ZCWPW2: variants seen among roughly 807,000 people sequenced by gnomAD.
The protein encoded by ZCWPW2 is zinc finger CW-type PWWP domain protein 2.
A neutral mutation model predicts 46.6 loss-of-function variants in ZCWPW2; 45 were observed. The ratio of observed to expected loss-of-function variants is 0.96; its 90% CI spans 0.76 to 1.24. ZCWPW2 has a LOEUF of 1.24. Ranked by LOEUF, ZCWPW2 falls within the 50% of genes most tolerant of loss-of-function variation. ZCWPW2 has a pLI of 0.00. For missense variants in ZCWPW2, 429 were observed against 403.9 expected, an observed-to-expected ratio of 1.06 and a Z score of -0.53; for synonymous variants, 152 against 137.1, an observed-to-expected ratio of 1.11 and a Z score of -0.76.
rs754471123 is a variant in ZCWPW2 at position 28,524,715 on chromosome 3, A to T, written c.*27A>T. On this transcript the variant is annotated 3_prime_UTR_variant, in exon 10 of 10. Transcript: ENST00000383768. The stretch of plus-strand genomic sequence containing the variant: ...ACATTATACATTTTTCAAATTAATT[A>T]TAAAAATATTGGCATCTTTATATTT... 1 of 1,432,768 alleles carries T rather than the reference A, an allele frequency of 7.0e-7. No individual in the cohort carries two copies. Among genetic ancestry groups the T allele is most frequent in the South Asian group, 1.5e-5 (1 of 66,024 alleles). 88.8% of individuals were successfully genotyped at this position (1,432,768 alleles called of 1,614,324 possible). A position where few individuals can be genotyped will look rare whatever the true frequency, so the allele number is the denominator to read the frequency against.
chr3:28,400,712 A>C (rs961607219), intron 2 of ZCWPW2, among the ~76,000 whole-genome samples: 4 of 152,194 alleles, frequency 2.6e-5, no homozygotes, highest in African/African-American at 4.8e-5. Context: ...TGAAGGAAAG[A>C]TACAGTCTTT....
chr3:28,496,915 C>A (rs1700005479), intron 6 of ZCWPW2, among the ~76,000 whole-genome samples: 1 of 151,180 alleles, frequency 6.6e-6, no homozygotes, highest in Non-Finnish European at 1.5e-5. Flanking sequence ...TAAGTAACTG[C>A]TTCTAGAGCC....
At chr3:28,477,467 A>G (rs1445675437) in intron 4 of ZCWPW2, among the ~76,000 whole-genome samples, 1 of 152,228 alleles carries the variant, frequency 6.6e-6, no homozygotes, top group Non-Finnish European at 1.5e-5. Context: ...AAGATAAAAT[A>G]TTATGTATTG....
At chr3:28,364,667 A>C (rs1003844941) in intron 1 of ZCWPW2, among the ~76,000 whole-genome samples, 12 of 151,430 alleles carry the variant, frequency 7.9e-5, no homozygotes, top group Non-Finnish European at 4.4e-5. Flanking sequence ...ATTATACTTT[A>C]AGTTTTAGGG....
intron 6 of ZCWPW2, among the ~76,000 whole-genome samples, chr3:28,501,698 G>T (rs1457908): frequency 0.41 from 61,873 of 151,840 alleles, 12,871 homozygotes; most frequent in East Asian, 0.6. Flanking sequence ...CATGTAAATT[G>T]TTATCCATTT....
intron 8 of ZCWPW2, among the ~76,000 whole-genome samples, chr3:28,517,195 AT>A (rs920684531): frequency 2.6e-5 from 4 of 151,494 alleles, no homozygotes; most frequent in East Asian, 1.9e-4. Flanking sequence ...TTTATTTAGG[AT>A]TTTTTTTTCA....
At chr3:28,492,789 A>G (rs989400076) in intron 6 of ZCWPW2, among the ~76,000 whole-genome samples, 35 of 152,140 alleles carry the variant, frequency 2.3e-4, no homozygotes, top group Non-Finnish European at 5.0e-4. Flanking sequence ...CTAAACAAAG[A>G]GAAAGAGTTG....
chr3:28,496,416 G>T (rs1694953188), intron 6 of ZCWPW2, among the ~76,000 whole-genome samples: 1 of 151,970 alleles, frequency 6.6e-6, no homozygotes, highest in Admixed American at 6.6e-5. Flanking sequence ...GGAAAACAAG[G>T]CAGACATTAT....
At chr3:28,469,764 A>T (rs1184204182) in intron 4 of ZCWPW2, among the ~76,000 whole-genome samples, 1 of 151,810 alleles carries the variant, frequency 6.6e-6, no homozygotes, top group Non-Finnish European at 1.5e-5. Context: ...ACACTGGAGC[A>T]CCCAGATATA....
chr3:28,439,515 C>G (rs1200499344), intron 4 of ZCWPW2, among the ~76,000 whole-genome samples: 1 of 152,094 alleles, frequency 6.6e-6, no homozygotes, highest in Admixed American at 6.6e-5. Flanking sequence ...TACTTTGTAT[C>G]CTTCAATTCA....
In ZCWPW2 at chr3:28,368,590, C is replaced by T. The variant is rs57550956; in HGVS notation, c.-134+19387C>T. Among the ~76,000 whole-genome samples, 1,038 of 152,270 alleles carry T rather than the reference C, an allele frequency of 6.8e-3. 10 individuals carry two copies. Among genetic ancestry groups the T allele is most frequent in the African/African-American group, 0.023 (941 of 41,546 alleles). On this transcript the variant is annotated intron_variant, in intron 1 of 9. Coordinates refer to ENST00000383768, the MANE Select transcript of ZCWPW2 (RefSeq NM_001040432.4). The stretch of plus-strand genomic sequence containing the variant: ...GACCTTTCTCTCTGGCTGCCCTTAA[C>T]ATTTTTTCCTTCATTTCAACGTTGG...
intron 3 of ZCWPW2, among the ~76,000 whole-genome samples, chr3:28,422,471 A>G (rs1696832039): frequency 6.6e-6 from 1 of 152,158 alleles, no homozygotes; most frequent in Non-Finnish European, 1.5e-5. Context: ...GAGATTGTAT[A>G]GTATTTAGCC....
At chr3:28,493,644 T>G (rs1699901730) in intron 6 of ZCWPW2, among the ~76,000 whole-genome samples, 1 of 72,696 alleles carries the variant, frequency 1.4e-5, no homozygotes, top group South Asian at 8.4e-4. Context: ...GCATGATTTA[T>G]AGTCATTTGG....
rs150406003 is a variant in ZCWPW2, at chr3:28,498,979, A to C, written c.657+6806A>C. 2.9e-3 allele frequency among the ~76,000 whole-genome samples: 445 copies of C among 152,184 alleles called. 1 individual carries two copies. Among genetic ancestry groups the C allele is most frequent in the African/African-American group, 0.01 (422 of 41,526 alleles). On this transcript the variant is annotated intron_variant, in intron 6 of 9. Transcript: ENST00000383768. ...ATGTCCCTGCAAAGGACGTGAACTC[A>C]TCCTTTTTTATGGCTGCATAGTATT...
chr3:28,397,794 A>C (rs1030842244), intron 2 of ZCWPW2, among the ~76,000 whole-genome samples: 2 of 152,258 alleles, frequency 1.3e-5, no homozygotes, highest in African/African-American at 4.8e-5. Flanking sequence ...ACTTAAAGCT[A>C]TACATACCTA....
chr3:28,359,167 G>C (rs1350071556), intron 1 of ZCWPW2, among the ~76,000 whole-genome samples: 3 of 151,996 alleles, frequency 2.0e-5, no homozygotes, highest in African/African-American at 4.8e-5. Flanking sequence ...AAGTGGAAAT[G>C]GTCAGATCTG....
At position 28,488,118 on chromosome 3, in the gene ZCWPW2, A is replaced by G. The variant is rs573605042; in HGVS notation, c.611-4009A>G. Among the ~76,000 whole-genome samples the G allele has an allele frequency of 5.3e-5, 8 of 152,268 alleles. No individual in the cohort carries two copies. The South Asian group carries it at 1.7e-3, about 32-fold the overall frequency. On this transcript the variant is annotated intron_variant, in intron 5 of 9. Coordinates refer to ENST00000383768, the MANE Select transcript of ZCWPW2 (RefSeq NM_001040432.4). Reference sequence around the variant, plus strand: ...GTAGAGCTCCTACACGTAAAACTCAATAAAAGGGTGTCCCTCCCACCATGA... The same window carrying G: ...GTAGAGCTCCTACACGTAAAACTCAGTAAAAGGGTGTCCCTCCCACCATGA...
rs534193603 is a variant in ZCWPW2 at position 28,515,574 on chromosome 3, C to G, written c.737C>G (p.Ser246Cys). ...TCTAGGAAAGCAATTTTAAAATGCT[C>G]TTTTGAAAATGTTTATTCTGATGAT... ...KRKRKAILKC[S>C]FENVYSDDAL... Residue 246 changes from serine to cysteine, a missense_variant, in exon 8 of 10, where the codon TCT becomes TGT. Physicochemically the swap from Ser to Cys is moderately radical, Grantham distance 112. Coordinates refer to ENST00000383768, the MANE Select transcript of ZCWPW2 (RefSeq NM_001040432.4). 5.0e-6 allele frequency: 8 copies of G among 1,608,812 alleles called. No homozygotes were observed. The South Asian group carries it at 5.5e-5, about 11-fold the overall frequency.
chr3:28,406,383 T>C (rs1696159677), intron 2 of ZCWPW2, among the ~76,000 whole-genome samples: 1 of 152,204 alleles, frequency 6.6e-6, no homozygotes, highest in Non-Finnish European at 1.5e-5. Context: ...TCATCAGAGT[T>C]CTTGAAATGC....
Sources: allele counts gnomAD v4.1 joint callset (sites outside exome capture counted in the v4.1 genomes callset), GRCh38; gene constraint gnomAD v4.1.1; transcripts MANE v1.5; gene names NCBI Gene and HGNC (gene_info 2026-07-23, HGNC 2026-07-21).